The following WDR17 variants were observed in gnomAD, a reference collection of about 807,000 sequenced individuals.
WDR17 encodes WD repeat domain 17, also known as WD repeat-containing protein 17.
WDR17 carries 143 observed loss-of-function variants against 161.7 expected under a neutral mutation model. The ratio of observed to expected loss-of-function variants is 0.88; its 90% CI spans 0.77 to 1.02. The LOEUF (loss-of-function observed/expected upper bound fraction) is 1.02. Ranked by LOEUF, WDR17 falls within the 50% of genes least tolerant of loss-of-function variation. WDR17 has a pLI of 0.00. For missense variants in WDR17, 1,469 were observed against 1,520.9 expected (o/e 0.97, Z 0.57); for synonymous variants, 517 against 515.6 (o/e 1.00, Z -0.04).
At position 176,115,905 on chromosome 4, in the gene WDR17, G is replaced by C; in HGVS notation, c.233G>C (p.Gly78Ala). The C allele has an allele frequency of 6.2e-7, 1 of 1,610,834 alleles. No individual in the cohort carries two copies. The highest frequency in any genetic ancestry group is 8.5e-7 in the Non-Finnish European group (1 of 1,178,240). ...CATAATCCTGATCTGTTTGCAAGTG[G>C]CAGTACTGATAATTTAGTGATCATT... The part of the protein sequence containing the change: ...CPHNPDLFAS[G>A]STDNLVIIWN... The change falls in exon 3 of 29, where the codon GGC (glycine) becomes GCC (alanine). Residue 78 changes from glycine (G) to alanine (A), a missense_variant. Transcript: ENST00000508596.
chr4:176,147,425 A>T (rs1483407108), intron 12 of WDR17, among the ~76,000 whole-genome samples: 1 of 152,194 alleles, frequency 6.6e-6, no homozygotes, highest in Non-Finnish European at 1.5e-5. Flanking sequence ...TCACGAATCC[A>T]GTTATATTTA....
At chr4:176,107,887 C>T (rs1394267226) in intron 1 of WDR17, among the ~76,000 whole-genome samples, 1 of 149,506 alleles carries the variant, frequency 6.7e-6, no homozygotes, top group East Asian at 2.0e-4. Flanking sequence ...TTCTTTCCTT[C>T]CTTTTTTCCT....
chr4:176,074,478 A>AAG (rs1733694348), intron 1 of WDR17, among the ~76,000 whole-genome samples: 2 of 151,254 alleles, frequency 1.3e-5, no homozygotes, highest in Admixed American at 1.3e-4. Flanking sequence ...TTAAAAAAGG[A>AAG]CAGAGTCTCA....
chr4:176,139,681 A>C (rs545736328), intron 9 of WDR17, among the ~76,000 whole-genome samples: 35 of 152,142 alleles, frequency 2.3e-4, no homozygotes, highest in African/African-American at 7.7e-4. Context: ...TCTTAAAACA[A>C]CAGATTGGTA....
intron 1 of WDR17, among the ~76,000 whole-genome samples, chr4:176,109,405 G>A (rs1271887366): frequency 6.6e-6 from 1 of 152,106 alleles, no homozygotes; most frequent in Non-Finnish European, 1.5e-5. Context: ...TAGACGAGGA[G>A]GAAAGTTTCT....
intron 2 of WDR17, among the ~76,000 whole-genome samples, chr4:176,112,323 T>A (rs890144651): frequency 1.3e-5 from 2 of 152,204 alleles, no homozygotes; most frequent in African/African-American, 4.8e-5. Context: ...ATTATAATAA[T>A]CTCTTAATAG....
At chr4:176,113,761 G>A (rs991938757) in intron 2 of WDR17, among the ~76,000 whole-genome samples, 1 of 151,824 alleles carries the variant, frequency 6.6e-6, no homozygotes, top group African/African-American at 2.4e-5. Flanking sequence ...CTGATAATCG[G>A]TCACACTCTG....
intron 5 of WDR17, among the ~76,000 whole-genome samples, chr4:176,126,844 G>A (rs1047833185): frequency 2.0e-5 from 3 of 152,060 alleles, no homozygotes; most frequent in Non-Finnish European, 4.4e-5. Context: ...GAGATCTGAT[G>A]GTTTTATAAG....
intron 1 of WDR17, among the ~76,000 whole-genome samples, chr4:176,081,800 A>G (rs1217322222): frequency 1.3e-5 from 2 of 152,158 alleles, no homozygotes; most frequent in Non-Finnish European, 2.9e-5. Context: ...AAGCTGGATC[A>G]GATGCCCACA....
intron 17 of WDR17, among the ~76,000 whole-genome samples, chr4:176,153,349 T>C (rs1747545115): frequency 6.6e-6 from 1 of 152,216 alleles, no homozygotes; most frequent in Non-Finnish European, 1.5e-5. Context: ...GATGATTGTT[T>C]AATGGAGGGC....
intron 17 of WDR17, among the ~76,000 whole-genome samples, chr4:176,152,967 A>T (rs1747464595): frequency 6.6e-6 from 1 of 151,880 alleles, no homozygotes; most frequent in Non-Finnish European, 1.5e-5. Context: ...TTTTTTACAG[A>T]TCTAATTGAT....
At chr4:176,156,051 C>T (rs1748074830) in intron 17 of WDR17, 28 bp from the exon 18 acceptor site, 3 of 1,610,566 alleles carry the variant, frequency 1.9e-6, no homozygotes, top group Non-Finnish European at 1.7e-6. Flanking sequence ...AATTAATATG[C>T]TCCTGCCCTT....
At chr4:176,087,249 G>T (rs901150947) in intron 1 of WDR17, among the ~76,000 whole-genome samples, 1 of 150,728 alleles carries the variant, frequency 6.6e-6, no homozygotes, top group Non-Finnish European at 1.5e-5. Flanking sequence ...GAATTTACTA[G>T]GTTTTGTTTG....
Position 176,177,026 on chromosome 4 carries a change from A to T in WDR17, c.3450-32A>T, listed in dbSNP as rs1256832223. On this transcript the variant is annotated intron_variant, in intron 26 of 28. Transcript: ENST00000508596. ...TTTTTCTGATATCTTAGTTTTTGGT[A>T]TCAGATGTTAATTTCCTTTTCACAC... is the stretch of plus-strand genomic sequence containing the variant. 4 of 1,504,436 alleles carry T rather than the reference A, an allele frequency of 2.7e-6. No homozygotes were observed. In the East Asian group the frequency reaches 9.0e-5, roughly 34 times the overall value. 93.2% of individuals were successfully genotyped at this position (1,504,436 alleles called of 1,614,324 possible).
rs146913425 is a variant in WDR17, at chr4:176,181,963, A to G, written c.*2384A>G. 1.3e-3 allele frequency: 199 copies of G among 152,218 alleles called. No homozygotes were observed. The highest frequency in any genetic ancestry group is 4.7e-3 in the African/African-American group (195 of 41,564). 9.4% of individuals were successfully genotyped at this position (152,218 alleles called of 1,614,324 possible). ...CTACAATGTCTATATCTTATTACCT[A>G]TAACTATTAATTTTTCATAGAATTA... On this transcript the variant is annotated 3_prime_UTR_variant, in exon 29 of 29. Transcript: ENST00000508596.
intron 1 of WDR17, among the ~76,000 whole-genome samples, chr4:176,082,488 A>G: frequency 6.6e-6 from 1 of 152,068 alleles, no homozygotes; most frequent in African/African-American, 2.4e-5. Context: ...GAAATGCAAC[A>G]TTACAGTGGC....
At chr4:176,093,852 A>G (rs1344918366) in intron 1 of WDR17, among the ~76,000 whole-genome samples, 1 of 152,198 alleles carries the variant, frequency 6.6e-6, no homozygotes, top group African/African-American at 2.4e-5. Flanking sequence ...ACAACAACAA[A>G]AGTATTTTTT....
In WDR17 at chr4:176,111,811, A is replaced by G. The variant is rs901068636; in HGVS notation, c.123+108A>G. On this transcript the variant is annotated intron_variant, in intron 2 of 28. Coordinates refer to ENST00000508596, the MANE Select transcript of WDR17 (RefSeq NM_181265.4). The stretch of plus-strand genomic sequence containing the variant: ...ATGAAAAACATAATGCTATAATTCC[A>G]TTTATATTTATATTTTTAAAGTTTT... 12 of 1,028,654 alleles carry G rather than the reference A, an allele frequency of 1.2e-5. No individual in the cohort carries two copies. The African/African-American group carries it at 2.0e-4, about 17-fold the overall frequency. The allele number at this position is 1,028,654 out of a possible 1,614,324, so 63.7% of individuals were successfully genotyped here. A position where few individuals can be genotyped will look rare whatever the true frequency, so the allele number is the denominator to read the frequency against.
chr4:176,106,327 T>A (rs1170172783), intron 1 of WDR17, among the ~76,000 whole-genome samples: 3 of 151,950 alleles, frequency 2.0e-5, no homozygotes, highest in Non-Finnish European at 4.4e-5. Flanking sequence ...ACTAACCCCT[T>A]ACATATATGG....
Sources: allele counts gnomAD v4.1 joint callset (sites outside exome capture counted in the v4.1 genomes callset), GRCh38; gene constraint gnomAD v4.1.1; transcripts MANE v1.5; gene names NCBI Gene and HGNC (gene_info 2026-07-23, HGNC 2026-07-21).